Variants in SKIC3 observed in about 807,000 individuals in gnomAD.
SKIC3 encodes superkiller complex protein 3.
chr5:95,495,738 T>A, the SKIC3 span, among the ~76,000 whole-genome samples: 1 of 152,164 alleles, frequency 6.6e-6, no homozygotes, highest in South Asian at 2.1e-4. Context: ...GCGTCCACAC[T>A]CTCTAAGAGG....
chr5:95,536,202 C>T, the SKIC3 span, among the ~76,000 whole-genome samples: 3 of 152,186 alleles, frequency 2.0e-5, no homozygotes, highest in South Asian at 4.1e-4. Flanking sequence ...GAAGCATACA[C>T]AGAGACAAAT....
the SKIC3 span, chr5:95,482,349 G>C: frequency 9.5e-7 from 1 of 1,047,728 alleles, no homozygotes; most frequent in South Asian, 1.3e-5. Context: ...TTTAGATCTT[G>C]AAACTGAGAG....
chr5:95,541,798 C>A, the SKIC3 span: 1 of 1,561,712 alleles, frequency 6.4e-7, no homozygotes. Flanking sequence ...ACTGGACTTT[C>A]CTCATACATT....
At chr5:95,472,762 C>T in the SKIC3 span, among the ~76,000 whole-genome samples, 3 of 152,132 alleles carry the variant, frequency 2.0e-5, no homozygotes, top group African/African-American at 7.2e-5. Flanking sequence ...CTGTCCCACT[C>T]CTTCACCCTC....
chr5:95,464,589 C>T, the SKIC3 span: 3 of 1,590,258 alleles, frequency 1.9e-6, no homozygotes, highest in African/African-American at 1.3e-5. Context: ...TGCTTCCTTA[C>T]TATAAAATAA....
At chr5:95,509,682 T>G in the SKIC3 span, 1 of 1,608,034 alleles carries the variant, frequency 6.2e-7, no homozygotes, top group Admixed American at 1.7e-5. Flanking sequence ...TAATTCTGAA[T>G]TCTTTCTAGA....
chr5:95,477,809 A>G, the SKIC3 span, among the ~76,000 whole-genome samples: 1 of 152,268 alleles, frequency 6.6e-6, no homozygotes, highest in African/African-American at 2.4e-5. Context: ...TCCCACTTAA[A>G]CATGTATCTT....
chr5:95,468,323 A>G, the SKIC3 span, among the ~76,000 whole-genome samples: 1 of 152,174 alleles, frequency 6.6e-6, no homozygotes, highest in Admixed American at 6.5e-5. Context: ...TCGCTATTTT[A>G]TAATCTACTT....
the SKIC3 span, among the ~76,000 whole-genome samples, chr5:95,481,706 GA>G: frequency 6.6e-6 from 1 of 151,806 alleles, no homozygotes; most frequent in African/African-American, 2.4e-5. Context: ...TAAGAAAGGG[GA>G]AAAAAGAATT....
chr5:95,535,307 A>ATTTTTTTTTTTTTTTTTTTTTTT, the SKIC3 span, among the ~76,000 whole-genome samples: 1 of 91,808 alleles, frequency 1.1e-5, no homozygotes. Flanking sequence ...GGTAACAGCA[A>ATTTTTTTTTTTTTTTTTTTTTTT]TTTTTTTTTT....
the SKIC3 span, among the ~76,000 whole-genome samples, chr5:95,505,978 G>C: frequency 6.6e-6 from 1 of 151,966 alleles, no homozygotes; most frequent in Non-Finnish European, 1.5e-5. Context: ...GTTTTCAATG[G>C]AAGGTATATA....
chr5:95,502,953 T>G, the SKIC3 span: 3 of 1,614,154 alleles, frequency 1.9e-6, no homozygotes, highest in Admixed American at 5.0e-5. Context: ...GCTGTCAAGA[T>G]ATGGGCTTTG....
the SKIC3 span, among the ~76,000 whole-genome samples, chr5:95,479,368 G>A: frequency 6.6e-6 from 1 of 152,112 alleles, no homozygotes; most frequent in Non-Finnish European, 1.5e-5. Flanking sequence ...ATATTCAGTA[G>A]AGTATTACTT....
chr5:95,477,865 G>A, the SKIC3 span, among the ~76,000 whole-genome samples: 5 of 152,114 alleles, frequency 3.3e-5, no homozygotes, highest in Admixed American at 6.5e-5. Context: ...ATTCATATAC[G>A]TAAATTGGTA....
At chr5:95,545,833 T>C in the SKIC3 span, among the ~76,000 whole-genome samples, 1 of 152,144 alleles carries the variant, frequency 6.6e-6, no homozygotes, top group African/African-American at 2.4e-5. Context: ...CCTCAGTGCC[T>C]GTATTCATGT....
chr5:95,520,889 A>G, the SKIC3 span: 1 of 1,130,810 alleles, frequency 8.8e-7, no homozygotes. Flanking sequence ...CTTCAAATAA[A>G]GTTATTGGTG....
At chr5:95,507,002 C>T in the SKIC3 span, 51 of 1,609,110 alleles carry the variant, frequency 3.2e-5, no homozygotes, top group Non-Finnish European at 4.0e-5. Context: ...TCTGTAACAA[C>T]AAAATTGCCC....
the SKIC3 span, among the ~76,000 whole-genome samples, chr5:95,492,881 T>A: frequency 6.6e-6 from 1 of 151,946 alleles, no homozygotes; most frequent in East Asian, 1.9e-4. Context: ...AGCAATTTCT[T>A]CTATCACAAC....
At chr5:95,466,813 G>A in the SKIC3 span, among the ~76,000 whole-genome samples, 3 of 151,978 alleles carry the variant, frequency 2.0e-5, no homozygotes, top group Non-Finnish European at 4.4e-5. Flanking sequence ...AACAAATGTC[G>A]CTTTGGGAAA....
Sources: gnomAD v4.1 joint callset for allele counts (sites outside exome capture counted in the v4.1 genomes callset) on GRCh38, gnomAD v4.1.1 for gene constraint, MANE v1.5 for transcripts, NCBI Gene and HGNC (gene_info 2026-07-23, HGNC 2026-07-21) for gene names.